The following RYR3 variants were observed in gnomAD, a reference collection of about 807,000 sequenced individuals.
The protein encoded by RYR3 is brain ryanodine receptor-calcium release channel.
RYR3 carries 207 observed loss-of-function variants against 584.3 expected under a neutral mutation model. The observed-to-expected ratio is 0.35, with a 90% CI of 0.32 to 0.40. The LOEUF (loss-of-function observed/expected upper bound fraction) is 0.40, where lower values mean the gene tolerates loss of function less well. RYR3 is among the 10% of genes least tolerant of loss of function. The probability of loss-of-function intolerance (pLI) is 1.00; values close to 1 mark genes in which losing one functional copy is unlikely to be tolerated. For missense variants in RYR3, 5,616 were observed against 6,089.2 expected (o/e 0.92, Z 2.59); for synonymous variants, 2,416 against 2,248.5 (o/e 1.07, Z -2.11).
At chr15:33,392,753 A>T (rs2042082019) in intron 1 of RYR3, among the ~76,000 whole-genome samples, 1 of 152,182 alleles carries the variant, frequency 6.6e-6, no homozygotes, top group Admixed American at 6.5e-5. Context: ...TTGAGGGGTT[A>T]TGAGTGGGTC....
At chr15:33,517,674 T>C (rs1220635190) in intron 3 of RYR3, among the ~76,000 whole-genome samples, 1 of 152,176 alleles carries the variant, frequency 6.6e-6, no homozygotes, top group Non-Finnish European at 1.5e-5. Flanking sequence ...CCCAGGCTCA[T>C]CTTAATTTTT....
At chr15:33,859,483 A>C in intron 99 of RYR3, 92 bp from the exon 100 acceptor site, 5 of 1,468,658 alleles carry the variant, frequency 3.4e-6, no homozygotes, top group Non-Finnish European at 3.8e-6. Context: ...TAGGGCTGCC[A>C]CAATCTGACC....
At chr15:33,352,283 T>G (rs1221938192) in intron 1 of RYR3, among the ~76,000 whole-genome samples, 1 of 152,194 alleles carries the variant, frequency 6.6e-6, no homozygotes, top group Admixed American at 6.5e-5. Context: ...TTTCTGTGGC[T>G]TATCTTCTCA....
chr15:33,737,308 A>C (rs775948050), intron 49 of RYR3, among the ~76,000 whole-genome samples: 1 of 152,104 alleles, frequency 6.6e-6, no homozygotes, highest in East Asian at 1.9e-4. Context: ...ATAAATTACA[A>C]ATATTTTATC....
In RYR3 at chr15:33,361,029, C is replaced by T. The variant is rs770012957; in HGVS notation, c.51+49933C>T. Among the ~76,000 whole-genome samples the T allele has an allele frequency of 4.7e-4, 71 of 152,198 alleles. 1 individual carries two copies. Among genetic ancestry groups the T allele is most frequent in the Non-Finnish European group, 9.1e-4 (62 of 68,034 alleles). ...TGTATTGAGGGAAAAGCAGATGTTG[C>T]AGCTCCTATTCTGATTGGAGCACAT... On this transcript the variant is annotated intron_variant, in intron 1 of 103. Coordinates refer to ENST00000634891, the MANE Select transcript of RYR3 (RefSeq NM_001036.6).
chr15:33,646,072 G>A (rs1269575766), intron 28 of RYR3, among the ~76,000 whole-genome samples: 1 of 152,156 alleles, frequency 6.6e-6, no homozygotes, highest in Non-Finnish European at 1.5e-5. Flanking sequence ...TCTCCCAGAT[G>A]CCACCCCCCT....
chr15:33,857,753 T>C, intron 98 of RYR3, 27 bp from the exon 99 acceptor site: 1 of 1,613,492 alleles, frequency 6.2e-7, no homozygotes, highest in Non-Finnish European at 8.5e-7. Flanking sequence ...CCCACTCCTT[T>C]TCCTTTCTCT....
Position 33,757,373 on chromosome 15 carries a change from G to C in RYR3, c.8584-102G>C, listed in dbSNP as rs879064606. Reference sequence around the variant, plus strand: ...AATTTCCTGGAAATTACAGGACCAGGGTTCAGAGGCTTTTTGCTCACTGAA... The same window carrying C: ...AATTTCCTGGAAATTACAGGACCAGCGTTCAGAGGCTTTTTGCTCACTGAA... On this transcript the variant is annotated intron_variant, in intron 59 of 103. Coordinates refer to ENST00000634891, the MANE Select transcript of RYR3 (RefSeq NM_001036.6). 95 of 1,273,906 alleles carry C rather than the reference G, an allele frequency of 7.5e-5. 2 individuals are homozygous for C. The South Asian group carries it at 9.7e-4, about 13-fold the overall frequency. 78.9% of individuals were successfully genotyped at this position (1,273,906 alleles called of 1,614,324 possible).
intron 43 of RYR3, among the ~76,000 whole-genome samples, chr15:33,713,463 A>G (rs2067264742): frequency 6.6e-6 from 1 of 151,648 alleles, no homozygotes; most frequent in Non-Finnish European, 1.5e-5. Context: ...GCATGGTCAT[A>G]TAGGGGGGTT....
intron 46 of RYR3, among the ~76,000 whole-genome samples, 193 bp downstream of exon 46, chr15:33,726,699 A>G (rs1356282141): frequency 6.6e-6 from 1 of 152,256 alleles, no homozygotes; most frequent in Non-Finnish European, 1.5e-5. Context: ...TGTCTTCTCA[A>G]GAAGCAATCT....
At chr15:33,812,603 T>A (rs2076610043) in intron 72 of RYR3, among the ~76,000 whole-genome samples, 1 of 152,074 alleles carries the variant, frequency 6.6e-6, no homozygotes, top group Non-Finnish European at 1.5e-5. Context: ...AGAAGAGTGC[T>A]TTAAGGAAAT....
chr15:33,810,871 A>C (rs2076493441), intron 71 of RYR3, 107 bp from the exon 72 acceptor site: 1 of 1,144,590 alleles, frequency 8.7e-7, no homozygotes, highest in African/African-American at 1.5e-5. Context: ...TGTTCTTCTG[A>C]TAAAGATCCC....
chr15:33,854,931 C>T lies in RYR3; in HGVS notation c.14007+19C>T, dbSNP rs768516250. On this transcript the variant is annotated intron_variant, in intron 98 of 103. Coordinates refer to ENST00000634891, the MANE Select transcript of RYR3 (RefSeq NM_001036.6). Reference sequence around the variant, plus strand: ...CAAACAGGTATGGTTTCTACTGATGCAGAACAGAATGGACCTGTATATGCA... The same window carrying T: ...CAAACAGGTATGGTTTCTACTGATGTAGAACAGAATGGACCTGTATATGCA... The T allele has an allele frequency of 1.2e-6, 2 of 1,601,396 alleles. No individual in the cohort carries two copies. Among genetic ancestry groups the T allele is most frequent in the South Asian group, 2.3e-5 (2 of 87,908 alleles).
In RYR3 at chr15:33,370,507, T is replaced by C. The variant is rs16970263; in HGVS notation, c.51+59411T>C. 6.5e-3 allele frequency among the ~76,000 whole-genome samples: 996 copies of C among 152,328 alleles called. 37 individuals are homozygous for C. Among genetic ancestry groups the C allele is most frequent in the East Asian group, 0.048 (247 of 5,182 alleles). On this transcript the variant is annotated intron_variant, in intron 1 of 103. Transcript: ENST00000634891. ...ATAGGACACAGCTGGCCATAAAGAATGCTGACTCCCAGTTCTTGGCTGTGA... is the reference window on the plus strand; with the variant it reads ...ATAGGACACAGCTGGCCATAAAGAACGCTGACTCCCAGTTCTTGGCTGTGA...
At chr15:33,420,521 G>C (rs2141601480) in intron 1 of RYR3, among the ~76,000 whole-genome samples, 1 of 152,240 alleles carries the variant, frequency 6.6e-6, no homozygotes, top group South Asian at 2.1e-4. Flanking sequence ...TGTCTTATTT[G>C]TTCTTGCAAC....
At chr15:33,397,056 A>C (rs529347288) in intron 1 of RYR3, among the ~76,000 whole-genome samples, 19 of 152,332 alleles carry the variant, frequency 1.2e-4, no homozygotes, top group East Asian at 3.9e-4. Context: ...GCAACAATAC[A>C]TTTGATTTTT....
intron 3 of RYR3, among the ~76,000 whole-genome samples, chr15:33,518,151 CT>C (rs1426100764): frequency 6.6e-6 from 1 of 152,208 alleles, no homozygotes; most frequent in Non-Finnish European, 1.5e-5. Context: ...CTTCCTCTCA[CT>C]GTGGGCCATC....
chr15:33,677,434 G>A (rs961659444), intron 38 of RYR3, among the ~76,000 whole-genome samples: 1 of 152,182 alleles, frequency 6.6e-6, no homozygotes, highest in African/African-American at 2.4e-5. Context: ...TAACACATCA[G>A]CAGACGCCCT....
chr15:33,612,179 T>C (rs796483848), intron 18 of RYR3, among the ~76,000 whole-genome samples: 4 of 152,344 alleles, frequency 2.6e-5, no homozygotes, highest in African/African-American at 9.6e-5. Flanking sequence ...TAAGATGATA[T>C]AGGAAAGCAG....
Sources: allele counts gnomAD v4.1 joint callset (sites outside exome capture counted in the v4.1 genomes callset), GRCh38; gene constraint gnomAD v4.1.1; transcripts MANE v1.5; gene names NCBI Gene and HGNC (gene_info 2026-07-23, HGNC 2026-07-21).